The following NF1 variants were observed in gnomAD, a reference collection of about 807,000 sequenced individuals.
NF1 encodes the protein neurofibromin 1.
NF1 carries 122 observed loss-of-function variants against 325.7 expected under a neutral mutation model. That is an observed-to-expected ratio of 0.37 (90% CI 0.32 to 0.44). The LOEUF (loss-of-function observed/expected upper bound fraction) is 0.44. Ranked by LOEUF, NF1 falls within the 20% of genes least tolerant of loss-of-function variation. The pLI, the probability that NF1 is intolerant of heterozygous loss-of-function variation, is 1.00. For synonymous variants in NF1, 1,091 were observed against 1,186.0 expected (o/e 0.92, Z 1.65); for missense variants, 2,140 against 3,415.4 (o/e 0.63, Z 9.31).
intron 5 of NF1, among the ~76,000 whole-genome samples, chr17:31,170,591 G>A (rs17879709): frequency 3.0e-4 from 45 of 152,306 alleles, no homozygotes; most frequent in African/African-American, 1.1e-3. Context: ...CACCTAATAT[G>A]TGACTTTAAA....
chr17:31,151,446 CAGGAAA>C (rs1916935904), intron 1 of NF1, among the ~76,000 whole-genome samples: 1 of 152,098 alleles, frequency 6.6e-6, no homozygotes, highest in Non-Finnish European at 1.5e-5. Context: ...GTATATCCTC[CAGGAAA>C]AGGAAAAGGG....
intron 1 of NF1, among the ~76,000 whole-genome samples, chr17:31,109,603 C>G (rs546653100): frequency 6.6e-6 from 1 of 151,982 alleles, no homozygotes; most frequent in Admixed American, 6.6e-5. Context: ...AGGCTGGTCT[C>G]GAGCTCGTAA....
In NF1 at chr17:31,252,921, T is replaced by C. The variant is rs772420766; in HGVS notation, c.4111-17T>C. On this transcript the variant is annotated splice_polypyrimidine_tract_variant and intron_variant, in intron 30 of 57. Coordinates refer to ENST00000358273, the MANE Select transcript of NF1 (RefSeq NM_001042492.3). ...AGTCGGTGCTGTGACTTGTTTGTGC[T>C]CATCTCTGTTCTGTAGGCAACTTGC... is the stretch of plus-strand genomic sequence containing the variant. 1 of 1,611,092 alleles carries C rather than the reference T, an allele frequency of 6.2e-7. No individual in the cohort carries two copies. The highest frequency in any genetic ancestry group is 8.5e-7 in the Non-Finnish European group (1 of 1,177,486).
chr17:31,204,381 T>A (rs1373736597), intron 11 of NF1, among the ~76,000 whole-genome samples: 1 of 152,116 alleles, frequency 6.6e-6, no homozygotes, highest in African/African-American at 2.4e-5. Flanking sequence ...CATAATTTGT[T>A]CATATTATGT....
chr17:31,353,297 G>A (rs991532205), intron 51 of NF1, among the ~76,000 whole-genome samples: 1 of 152,084 alleles, frequency 6.6e-6, no homozygotes, highest in African/African-American at 2.4e-5. Context: ...GAAATGCTGC[G>A]AGACTCATTT....
intron 8 of NF1, among the ~76,000 whole-genome samples, chr17:31,197,345 T>C (rs2066452593): frequency 5.2e-5 from 1 of 19,174 alleles, no homozygotes; most frequent in Non-Finnish European, 1.6e-4. Context: ...CGCGCCTGGC[T>C]TTTTTTTTTT....
At chr17:31,284,388 T>G (rs1049028991) in intron 36 of NF1, among the ~76,000 whole-genome samples, 1 of 152,170 alleles carries the variant, frequency 6.6e-6, no homozygotes, top group African/African-American at 2.4e-5. Context: ...GTTCAAGAGC[T>G]TCTCTTGCCT....
chr17:31,327,856 T>G lies in NF1; in HGVS notation c.5609+17T>G. On this transcript the variant is annotated intron_variant, in intron 38 of 57. Transcript: ENST00000358273. ...GAGTTTACGGTAGGTTTTTTAAAAT[T>G]CTCTTCAGTTTGATTTGGGGTTTGT... 1 of 1,608,680 alleles carries G rather than the reference T, an allele frequency of 6.2e-7. No homozygotes were observed. Among genetic ancestry groups the G allele is most frequent in the Non-Finnish European group, 8.5e-7 (1 of 1,175,680 alleles).
At chr17:31,350,999 C>G (rs1360898554) in intron 50 of NF1, among the ~76,000 whole-genome samples, 1 of 152,098 alleles carries the variant, frequency 6.6e-6, no homozygotes, top group Non-Finnish European at 1.5e-5. Flanking sequence ...AAAAAGACTT[C>G]AACAATTTCC....
chr17:31,317,113 A>T (rs1352289824), intron 36 of NF1, among the ~76,000 whole-genome samples: 1 of 152,132 alleles, frequency 6.6e-6, no homozygotes, highest in Non-Finnish European at 1.5e-5. Context: ...AAAAACATAT[A>T]AAAAATATTT....
intron 4 of NF1, among the ~76,000 whole-genome samples, chr17:31,165,551 T>G (rs1250895431): frequency 6.6e-6 from 1 of 152,240 alleles, no homozygotes; most frequent in African/African-American, 2.4e-5. Context: ...TTATGTTTTA[T>G]ATATAATAGA....
chr17:31,258,583 C>T (rs535133149), intron 32 of NF1, 81 bp downstream of exon 32: 6 of 1,382,112 alleles, frequency 4.3e-6, no homozygotes, highest in African/African-American at 4.3e-5. Flanking sequence ...CTTCCTCTTA[C>T]ATTTATATTT....
chr17:31,132,916 T>A (rs1041518138), intron 1 of NF1, among the ~76,000 whole-genome samples: 1 of 152,060 alleles, frequency 6.6e-6, no homozygotes, highest in Non-Finnish European at 1.5e-5. Flanking sequence ...ATCCACCTGC[T>A]TCGGCCTCCC....
chr17:31,288,877 T>G (rs554094006), intron 36 of NF1, among the ~76,000 whole-genome samples: 1 of 152,108 alleles, frequency 6.6e-6, no homozygotes, highest in Non-Finnish European at 1.5e-5. Context: ...AAATCCTCCC[T>G]CATTCTTAAC....
intron 36 of NF1, chr17:31,295,823 T>C (rs1445820299): frequency 1.9e-6 from 3 of 1,614,198 alleles, no homozygotes; most frequent in Admixed American, 1.7e-5. Context: ...GTCCACGATA[T>C]GTAGTTTGGA....
At chr17:31,317,041 A>G (rs1475675917) in intron 36 of NF1, among the ~76,000 whole-genome samples, 1 of 152,178 alleles carries the variant, frequency 6.6e-6, no homozygotes, top group Non-Finnish European at 1.5e-5. Flanking sequence ...TGATTCTGAC[A>G]TGCAGCCAGG....
intron 39 of NF1, among the ~76,000 whole-genome samples, chr17:31,334,295 C>CAA (rs199925524): frequency 2.5e-4 from 30 of 119,532 alleles, no homozygotes; most frequent in African/African-American, 9.2e-4. Flanking sequence ...GACTCCATCT[C>CAA]AAAAAAAAAA....
At position 31,229,472 on chromosome 17, in the gene NF1, T is replaced by G; in HGVS notation, c.2850+7T>G. On this transcript the variant is annotated splice_region_variant and intron_variant, in intron 21 of 57. Transcript: ENST00000358273. ...TTTTGACTCCCAAGGACAGGTAAAG[T>G]GTTCTCTTATTTTTCACCTTTCTCT... The G allele has an allele frequency of 1.2e-6, 2 of 1,612,596 alleles. No homozygotes were observed. Among genetic ancestry groups the G allele is most frequent in the Non-Finnish European group, 1.7e-6 (2 of 1,178,748 alleles).
At chr17:31,358,824 T>C in intron 55 of NF1, 145 bp from the exon 56 acceptor site, 3 of 1,036,686 alleles carry the variant, frequency 2.9e-6, no homozygotes, top group Non-Finnish European at 2.9e-6. Flanking sequence ...TTAAGTAGGT[T>C]TTAGTTGCTT....
Sources: gnomAD v4.1 joint callset for allele counts (sites outside exome capture counted in the v4.1 genomes callset) on GRCh38, gnomAD v4.1.1 for gene constraint, MANE v1.5 for transcripts, NCBI Gene and HGNC (gene_info 2026-07-23, HGNC 2026-07-21) for gene names.